The following CDKAL1 variants were observed in gnomAD, a reference collection of about 807,000 sequenced individuals.
CDKAL1 encodes CDKAL1 threonylcarbamoyladenosine tRNA methylthiotransferase, also known as threonylcarbamoyladenosine tRNA methylthiotransferase.
CDKAL1 carries 32 observed loss-of-function variants against 68.2 expected under a neutral mutation model. The observed-to-expected ratio is 0.47, with a 90% CI of 0.35 to 0.63. CDKAL1 has a LOEUF of 0.63. Among genes scored for constraint, CDKAL1 ranks in the 30% least tolerant of loss-of-function variants. The pLI, the probability that CDKAL1 is intolerant of heterozygous loss-of-function variation, is 0.00. For synonymous variants in CDKAL1, 234 were observed against 244.3 expected (o/e 0.96, Z 0.39); for missense variants, 606 against 696.7 (o/e 0.87, Z 1.47).
chr6:20,901,655 T>G (rs1581794031), intron 9 of CDKAL1, among the ~76,000 whole-genome samples: 1 of 110,288 alleles, frequency 9.1e-6, no homozygotes, highest in Admixed American at 1.4e-4. Context: ...CACTCCAGCC[T>G]GGGCAAGAGT....
At chr6:21,230,105 G>A (rs1779899096) in intron 15 of CDKAL1, among the ~76,000 whole-genome samples, 2 of 152,214 alleles carry the variant, frequency 1.3e-5, no homozygotes, top group Admixed American at 1.3e-4. Context: ...CAGCAGACCA[G>A]CTGGGAATCT....
At chr6:20,629,056 A>G (rs761529059) in intron 4 of CDKAL1, among the ~76,000 whole-genome samples, 7 of 152,172 alleles carry the variant, frequency 4.6e-5, no homozygotes, top group Admixed American at 1.3e-4. Flanking sequence ...TTATTCCCTT[A>G]ATGTCCTTTA....
At chr6:20,683,373 G>A (rs1299496959) in intron 5 of CDKAL1, among the ~76,000 whole-genome samples, 1 of 151,980 alleles carries the variant, frequency 6.6e-6, no homozygotes, top group Non-Finnish European at 1.5e-5. Flanking sequence ...TATTTTTATT[G>A]TGTTAATATA....
At position 20,539,079 on chromosome 6, in the gene CDKAL1, G is replaced by A. The variant is rs568068242; in HGVS notation, c.-6+3685G>A. On this transcript the variant is annotated intron_variant, in intron 2 of 15. Transcript: ENST00000274695. This position sits in a 1 kb window ranked among gnomAD's most constrained non-coding sequence, Gnocchi z 4.3. ...GAAAGTGTGGGCATGCTTGGGCAGC[G>A]TGGTTATTTTAGATAAGGTAGTAGG... Among the ~76,000 whole-genome samples, 10 of 152,332 alleles carry A rather than the reference G, an allele frequency of 6.6e-5. No individual in the cohort carries two copies. Among genetic ancestry groups the A allele is most frequent in the African/African-American group, 2.4e-4 (10 of 41,582 alleles).
chr6:21,131,538 A>G (rs1775319956), intron 13 of CDKAL1, among the ~76,000 whole-genome samples: 1 of 152,230 alleles, frequency 6.6e-6, no homozygotes, highest in African/African-American at 2.4e-5. Context: ...AAGTCACCAT[A>G]GACAAGTCAA....
chr6:20,706,138 C>A (rs1010530200), intron 5 of CDKAL1, among the ~76,000 whole-genome samples: 2 of 152,188 alleles, frequency 1.3e-5, no homozygotes, highest in South Asian at 4.1e-4. Flanking sequence ...CAGACTGGGA[C>A]AGGCAGGCCC....
intron 8 of CDKAL1, among the ~76,000 whole-genome samples, chr6:20,796,784 T>C (rs928250731): frequency 6.6e-6 from 1 of 152,206 alleles, no homozygotes; most frequent in African/African-American, 2.4e-5. Context: ...GGTATCCATA[T>C]GGAAAAAGAA....
chr6:20,852,845 T>TAAAGG (rs1759093980), intron 9 of CDKAL1, among the ~76,000 whole-genome samples: 9 of 152,206 alleles, frequency 5.9e-5, no homozygotes, highest in African/African-American at 2.2e-4. Flanking sequence ...AATGAGGCCT[T>TAAAGG]TCCTCAGAAC....
chr6:21,023,565 C>A (rs565271967), intron 11 of CDKAL1, among the ~76,000 whole-genome samples: 1 of 152,262 alleles, frequency 6.6e-6, no homozygotes, highest in Non-Finnish European at 1.5e-5. Context: ...ACATTGTACA[C>A]TTATCGCTTT....
chr6:21,128,367 T>C (rs1455590531), intron 13 of CDKAL1, among the ~76,000 whole-genome samples: 2 of 152,236 alleles, frequency 1.3e-5, no homozygotes. Context: ...TTTCAACTTA[T>C]GAATGGGTTT....
intron 9 of CDKAL1, among the ~76,000 whole-genome samples, chr6:20,859,956 G>A (rs1243611030): frequency 2.0e-5 from 3 of 152,096 alleles, no homozygotes; most frequent in Non-Finnish European, 2.9e-5. Flanking sequence ...ACATTAAAGT[G>A]TCCACTTAAA....
chr6:20,783,122 G>A (rs1052703284), intron 8 of CDKAL1, among the ~76,000 whole-genome samples: 15 of 152,100 alleles, frequency 9.9e-5, no homozygotes, highest in African/African-American at 3.6e-4. Context: ...TAGAGATGGA[G>A]TTTCACTGTG....
At chr6:20,550,965 A>G (rs974192406) in intron 4 of CDKAL1, among the ~76,000 whole-genome samples, 16 of 148,094 alleles carry the variant, frequency 1.1e-4, no homozygotes, top group African/African-American at 3.7e-4. Flanking sequence ...CTCACGGTTC[A>G]AGGGATTCTC....
At chr6:20,844,862 G>T (rs1444094121) in intron 8 of CDKAL1, among the ~76,000 whole-genome samples, 1 of 152,128 alleles carries the variant, frequency 6.6e-6, no homozygotes, top group Admixed American at 6.5e-5. Flanking sequence ...AGAAGACATA[G>T]AACAACTGGG....
intron 2 of CDKAL1, among the ~76,000 whole-genome samples, chr6:20,540,365 G>A (rs1458810393): frequency 6.6e-6 from 1 of 151,824 alleles, no homozygotes; most frequent in Non-Finnish European, 1.5e-5. Flanking sequence ...GAGCCACTGC[G>A]CCCAGCCAGG....
chr6:20,966,087 G>C (rs1765296487), intron 10 of CDKAL1, among the ~76,000 whole-genome samples: 1 of 150,042 alleles, frequency 6.7e-6, no homozygotes, highest in African/African-American at 2.5e-5. Context: ...GGTGATTCAT[G>C]ATCTAGAACA....
At chr6:20,827,606 A>G (rs1050410415) in intron 8 of CDKAL1, among the ~76,000 whole-genome samples, 2 of 152,158 alleles carry the variant, frequency 1.3e-5, no homozygotes, top group African/African-American at 4.8e-5. Flanking sequence ...TGTTTTAGAC[A>G]TAAAAAAAAA....
chr6:21,072,334 C>G (rs1017669231), intron 12 of CDKAL1, among the ~76,000 whole-genome samples: 1 of 152,138 alleles, frequency 6.6e-6, no homozygotes, highest in Non-Finnish European at 1.5e-5. Context: ...TGATCTCTCA[C>G]TTCCTTGGTA....
intron 4 of CDKAL1, among the ~76,000 whole-genome samples, chr6:20,587,877 C>T (rs1210457470): frequency 6.6e-6 from 1 of 152,182 alleles, no homozygotes; most frequent in East Asian, 1.9e-4. Context: ...GGGCAGATTG[C>T]TTGAGCCCAG....
Sources: allele counts gnomAD v4.1 joint callset (sites outside exome capture counted in the v4.1 genomes callset), GRCh38; gene constraint gnomAD v4.1.1; non-coding constraint Gnocchi (gnomAD v3.1); transcripts MANE v1.5; gene names NCBI Gene and HGNC (gene_info 2026-07-23, HGNC 2026-07-21).